Variants in IL1RAPL2 observed in about 807,000 individuals in gnomAD.
IL1RAPL2 encodes the protein interleukin 1 receptor accessory protein like 2.
In IL1RAPL2, 3 loss-of-function variants were observed where a neutral mutation model predicts 44.1. The ratio of observed to expected loss-of-function variants is 0.07; its 90% CI spans 0.03 to 0.18. The LOEUF (loss-of-function observed/expected upper bound fraction) is 0.18. Ranked by LOEUF, IL1RAPL2 falls within the 10% of genes least tolerant of loss-of-function variation. The pLI, the probability that IL1RAPL2 is intolerant of heterozygous loss-of-function variation, is 1.00. For synonymous variants in IL1RAPL2, 181 were observed against 178.8 expected (o/e 1.01, Z -0.10); for missense variants, 391 against 496.4 (o/e 0.79, Z 2.02).
At chrX:104,686,676 T>C (rs1248292433) in intron 2 of IL1RAPL2, among the ~76,000 whole-genome samples, 1 of 111,926 alleles carries the variant, frequency 8.9e-6, no homozygotes, top group Non-Finnish European at 1.9e-5. Flanking sequence ...CCCAACACTT[T>C]ATCTCTGAGG....
chrX:104,693,910 T>C (rs1931136448), intron 2 of IL1RAPL2, among the ~76,000 whole-genome samples: 1 of 111,844 alleles, frequency 8.9e-6, no homozygotes, highest in Admixed American at 9.5e-5. Flanking sequence ...GATTCCATAA[T>C]GCAGACCGTA....
intron 2 of IL1RAPL2, among the ~76,000 whole-genome samples, chrX:104,781,699 G>A (rs1932775437): frequency 8.9e-6 from 1 of 112,017 alleles, no homozygotes; most frequent in Admixed American, 9.5e-5. Flanking sequence ...TGAAGCAGAA[G>A]ATGCTCACAT....
At chrX:104,637,071 T>G (rs1334951511) in intron 1 of IL1RAPL2, among the ~76,000 whole-genome samples, 1 of 111,119 alleles carries the variant, frequency 9.0e-6, no homozygotes, top group East Asian at 2.8e-4. Flanking sequence ...TTTGGGATTT[T>G]TTTTTTTTTT....
At chrX:104,865,251 T>G (rs757609730) in intron 2 of IL1RAPL2, among the ~76,000 whole-genome samples, 1 of 112,159 alleles carries the variant, frequency 8.9e-6, no homozygotes, top group Admixed American at 9.5e-5. Flanking sequence ...GATACCTTTA[T>G]CATATGACAT....
intron 5 of IL1RAPL2, among the ~76,000 whole-genome samples, chrX:105,394,223 G>T (rs1239601451): frequency 3.6e-5 from 4 of 111,698 alleles, no homozygotes; most frequent in African/African-American, 9.7e-5. Context: ...AGATCTTTTT[G>T]GATTTGCTAA....
At chrX:104,581,027 A>G (rs1928334709) in intron 1 of IL1RAPL2, among the ~76,000 whole-genome samples, 1 of 112,276 alleles carries the variant, frequency 8.9e-6, no homozygotes, top group African/African-American at 3.2e-5. Context: ...TTGACATGCA[A>G]ATGCCACAAA....
At chrX:105,340,147 AATTGAATTCCTAGT>A (rs1371727676) in intron 5 of IL1RAPL2, among the ~76,000 whole-genome samples, 1 of 111,507 alleles carries the variant, frequency 9.0e-6, no homozygotes, top group Non-Finnish European at 1.9e-5. Context: ...ACATTTCCAA[AATTGAATTCCTAGT>A]ATCTCCATAA....
chrX:105,427,258 G>A, intron 5 of IL1RAPL2, among the ~76,000 whole-genome samples: 1 of 111,369 alleles, frequency 9.0e-6, no homozygotes, highest in Non-Finnish European at 1.9e-5. Flanking sequence ...CCTGCTGCCA[G>A]CACAATACTG....
chrX:104,862,410 G>A, intron 2 of IL1RAPL2, among the ~76,000 whole-genome samples: 1 of 110,129 alleles, frequency 9.1e-6, no homozygotes, highest in Non-Finnish European at 1.9e-5. Flanking sequence ...TCAAAGAAGT[G>A]ATTAAGGTAA....
intron 2 of IL1RAPL2, among the ~76,000 whole-genome samples, chrX:104,782,361 T>A (rs867380920): frequency 2.7e-4 from 30 of 110,852 alleles, no homozygotes; most frequent in Admixed American, 9.6e-5. Context: ...AAGAGAATGA[T>A]CTGGTGTCAG....
chrX:105,041,350 A>C (rs2031732468), intron 2 of IL1RAPL2, among the ~76,000 whole-genome samples: 1 of 111,055 alleles, frequency 9.0e-6, no homozygotes, highest in East Asian at 2.8e-4. Flanking sequence ...AATAATGTAT[A>C]TTCTGTTGAT....
At chrX:104,602,858 C>T (rs1434211874) in intron 1 of IL1RAPL2, among the ~76,000 whole-genome samples, 1 of 111,690 alleles carries the variant, frequency 9.0e-6, no homozygotes, top group South Asian at 3.8e-4. Flanking sequence ...TCCCATCTCC[C>T]TGGGACAGAG....
rs35851660 is a variant in IL1RAPL2 at position 104,591,625 on chromosome X, CTT to C, written c.-20+24589_-20+24590del. Among the ~76,000 whole-genome samples the C allele has an allele frequency of 3.7e-3, 310 of 83,132 alleles. 3 individuals are homozygous for C. The highest frequency in any genetic ancestry group is 0.012 in the Middle Eastern group (2 of 169). 72.2% of individuals were successfully genotyped at this position (83,132 alleles called of 115,157 possible). A position where few individuals can be genotyped will look rare whatever the true frequency, so the allele number is the denominator to read the frequency against. On this transcript the variant is annotated intron_variant, in intron 1 of 10. Transcript: ENST00000372582. ...CTTCCTAGGTTTCTTCCTTCTGTGGCTTTTTTTTTTTTTTTTGGAAACAGGAA... is the reference window on the plus strand; with the variant it reads ...CTTCCTAGGTTTCTTCCTTCTGTGGCTTTTTTTTTTTTTTGGAAACAGGAA...
chrX:105,653,662 G>A (rs2037656806), intron 6 of IL1RAPL2, among the ~76,000 whole-genome samples: 1 of 110,456 alleles, frequency 9.1e-6, no homozygotes. Flanking sequence ...GGAAAAAAGT[G>A]AAAAACATGT....
intron 1 of IL1RAPL2, among the ~76,000 whole-genome samples, chrX:104,584,870 T>C (rs377248676): frequency 2.2e-4 from 24 of 110,497 alleles, no homozygotes; most frequent in African/African-American, 7.3e-4. Context: ...GTCAAAAAGA[T>C]AGACTCAGTA....
chrX:105,344,097 G>A (rs1033300518), intron 5 of IL1RAPL2, among the ~76,000 whole-genome samples: 24 of 111,458 alleles, frequency 2.2e-4, no homozygotes, highest in African/African-American at 6.9e-4. Context: ...GTTTTGCCAT[G>A]TTGGCCAGGC....
chrX:104,925,008 T>A (rs2147693931), intron 2 of IL1RAPL2, among the ~76,000 whole-genome samples: 1 of 110,094 alleles, frequency 9.1e-6, no homozygotes, highest in African/African-American at 3.3e-5. Flanking sequence ...TGACATTTAA[T>A]GTTAAAGGTG....
chrX:104,675,879 C>T (rs754790642), intron 2 of IL1RAPL2, among the ~76,000 whole-genome samples: 107 of 106,032 alleles, frequency 1.0e-3, no homozygotes, highest in African/African-American at 3.3e-3. Context: ...CTTTCGATCT[C>T]TGTTGGTTTA....
At chrX:105,180,196 G>A (rs1312167202) in intron 2 of IL1RAPL2, among the ~76,000 whole-genome samples, 2 of 110,208 alleles carry the variant, frequency 1.8e-5, no homozygotes, top group Non-Finnish European at 3.8e-5. Flanking sequence ...AATTAGCCAG[G>A]TGTGGTGGCA....
Sources: allele counts gnomAD v4.1 joint callset (sites outside exome capture counted in the v4.1 genomes callset), GRCh38; gene constraint gnomAD v4.1.1; transcripts MANE v1.5; gene names NCBI Gene and HGNC (gene_info 2026-07-23, HGNC 2026-07-21).